Variants in BORCS5 observed in about 807,000 individuals in gnomAD.
BORCS5 encodes BLOC-1-related complex subunit 5.
Under a neutral mutation model 22.1 loss-of-function variants are expected in BORCS5, and 17 were observed. The observed-to-expected ratio is 0.77, with a 90% confidence interval of 0.53 to 1.15. The LOEUF is 1.15. Among genes scored for constraint, BORCS5 ranks in the 50% most tolerant of loss-of-function variants. BORCS5 has a pLI of 0.00. For missense variants in BORCS5, 247 were observed against 253.2 expected, an observed-to-expected ratio of 0.98 and a Z score of 0.17; for synonymous variants, 117 against 99.8, an observed-to-expected ratio of 1.17 and a Z score of -1.03.
chr12:12,401,854 C>T (rs1415106787), intron 2 of BORCS5, among the ~76,000 whole-genome samples: 3 of 151,500 alleles, frequency 2.0e-5, no homozygotes, highest in East Asian at 1.9e-4. Flanking sequence ...GTCAGAAGAT[C>T]GAGACCATCC....
In BORCS5 at chr12:12,401,252, T is replaced by C. The variant is rs145280014; in HGVS notation, c.203-34376T>C. On this transcript the variant is annotated intron_variant, in intron 2 of 3. Transcript: ENST00000314565. ...GTCAATTTACTCTTCAAAGTAGTTA[T>C]GCTCTTTTATCGCCTTACTAGCTAT... Among the ~76,000 whole-genome samples the C allele has an allele frequency of 2.9e-3, 448 of 152,352 alleles. 2 individuals carry two copies. The highest frequency in any genetic ancestry group is 3.3e-3 in the Non-Finnish European group (222 of 68,038).
At chr12:12,405,148 G>A (rs963837447) in intron 2 of BORCS5, among the ~76,000 whole-genome samples, 2 of 152,184 alleles carry the variant, frequency 1.3e-5, no homozygotes, top group African/African-American at 4.8e-5. Flanking sequence ...AACCTTCAAC[G>A]AAGTGAGTTC....
Position 12,470,397 on chromosome 12 carries a change from A to G in BORCS5, c.*4621A>G, listed in dbSNP as rs1449806891. Among the ~76,000 whole-genome samples, 3 of 152,078 alleles carry G rather than the reference A, an allele frequency of 2.0e-5. No homozygotes were observed. The highest frequency in any genetic ancestry group is 2.9e-5 in the Non-Finnish European group (2 of 68,012). On this transcript the variant is annotated 3_prime_UTR_variant, in exon 4 of 4. Coordinates refer to ENST00000314565, the MANE Select transcript of BORCS5 (RefSeq NM_058169.6). ...TCGTGTGTATTTATAGCTGCTCCCC[A>G]TCACTCACATCACTGCCTGAGCTCC... is the stretch of plus-strand genomic sequence containing the variant.
chr12:12,377,757 G>A (rs1004924161), intron 2 of BORCS5, among the ~76,000 whole-genome samples: 19 of 152,138 alleles, frequency 1.2e-4, no homozygotes, highest in African/African-American at 4.6e-4. Flanking sequence ...GCTAGCGGTA[G>A]TGATCAAAGG....
At chr12:12,383,302 A>G (rs983214650) in intron 2 of BORCS5, among the ~76,000 whole-genome samples, 15 of 151,198 alleles carry the variant, frequency 9.9e-5, no homozygotes, top group Admixed American at 2.6e-4. Flanking sequence ...TTTTTGTGCT[A>G]TTATTCTCAT....
At chr12:12,425,036 C>A (rs375169261) in intron 2 of BORCS5, among the ~76,000 whole-genome samples, 26 of 152,268 alleles carry the variant, frequency 1.7e-4, no homozygotes, top group African/African-American at 5.8e-4. Context: ...TCTGTCTGCA[C>A]CTTTGTGATC....
At chr12:12,366,023 A>T (rs1863399702) in intron 2 of BORCS5, among the ~76,000 whole-genome samples, 1 of 151,880 alleles carries the variant, frequency 6.6e-6, no homozygotes, top group South Asian at 2.1e-4. Context: ...CTGCCTGATA[A>T]TTAAAAGCCC....
At chr12:12,367,207 G>A (rs1050471742) in intron 2 of BORCS5, among the ~76,000 whole-genome samples, 2 of 152,326 alleles carry the variant, frequency 1.3e-5, no homozygotes, top group African/African-American at 4.8e-5. Context: ...GGGCGATAAG[G>A]AGAGCATGAT....
chr12:12,440,359 G>C (rs1412505512), intron 3 of BORCS5, among the ~76,000 whole-genome samples: 1 of 152,180 alleles, frequency 6.6e-6, no homozygotes, highest in Admixed American at 6.5e-5. Flanking sequence ...TGACCCCTCA[G>C]CCAGCACTGT....
At position 12,357,587 on chromosome 12, in the gene BORCS5, A is replaced by G. The variant is rs555518638; in HGVS notation, c.58+78A>G. 1.4e-5 allele frequency: 20 copies of G among 1,465,426 alleles called. No individual in the cohort carries two copies. The Admixed American group carries it at 1.4e-4, about 11-fold the overall frequency. 90.8% of individuals were successfully genotyped at this position (1,465,426 alleles called of 1,614,324 possible). A position where few individuals can be genotyped will look rare whatever the true frequency, so the allele number is the denominator to read the frequency against. ...GCGGGCTGCCTCCCAGACTAGGGTC[A>G]GGGACTGCGGACGGGAACGCACAGA... On this transcript the variant is annotated intron_variant, in intron 1 of 3. Coordinates refer to ENST00000314565, the MANE Select transcript of BORCS5 (RefSeq NM_058169.6).
intron 2 of BORCS5, among the ~76,000 whole-genome samples, chr12:12,405,564 CAATT>C (rs981462023): frequency 1.3e-5 from 2 of 152,130 alleles, no homozygotes; most frequent in Non-Finnish European, 1.5e-5. Context: ...GTCATCCTGA[CAATT>C]AAGACAAAAT....
At chr12:12,457,470 C>G (rs1441142622) in intron 3 of BORCS5, among the ~76,000 whole-genome samples, 2 of 152,168 alleles carry the variant, frequency 1.3e-5, no homozygotes, top group Admixed American at 6.5e-5. Context: ...GAGATCGAGA[C>G]CATCCTGGCT....
At chr12:12,376,578 A>G (rs534553011) in intron 2 of BORCS5, among the ~76,000 whole-genome samples, 1 of 152,310 alleles carries the variant, frequency 6.6e-6, no homozygotes, top group South Asian at 2.1e-4. Context: ...TAACTTAAAG[A>G]ATCAGTATCT....
At chr12:12,407,858 C>G (rs1379448651) in intron 2 of BORCS5, among the ~76,000 whole-genome samples, 7 of 151,952 alleles carry the variant, frequency 4.6e-5, no homozygotes, top group African/African-American at 1.7e-4. Flanking sequence ...CTCAGGTGCA[C>G]ACCACCACGC....
At position 12,357,296 on chromosome 12, in the gene BORCS5, T is replaced by C. The variant is rs1386991967; in HGVS notation, c.-156T>C. The C allele has an allele frequency of 6.9e-7, 1 of 1,456,052 alleles. No individual in the cohort carries two copies. The highest frequency in any genetic ancestry group is 1.4e-5 in the African/African-American group (1 of 70,270). The allele number at this position is 1,456,052 out of a possible 1,614,324, so 90.2% of individuals were successfully genotyped here. A position where few individuals can be genotyped will look rare whatever the true frequency, so the allele number is the denominator to read the frequency against. ...TTCTCCCGCCGCCCAGGCCCCTGCG[T>C]GGGCTGGACGCGTCAGCCCCACACA... On this transcript the variant is annotated 5_prime_UTR_variant, in exon 1 of 4. Coordinates refer to ENST00000314565, the MANE Select transcript of BORCS5 (RefSeq NM_058169.6).
Position 12,470,925 on chromosome 12 carries a change from TCAC to T in BORCS5, c.*5152_*5154del, listed in dbSNP as rs1043962136. On this transcript the variant is annotated 3_prime_UTR_variant, in exon 4 of 4. Transcript: ENST00000314565. ...GAATTTACCGTTGACTCAATTTTCT[TCAC>T]CAATCAAGGCTCATTCCTTGAGGCA... Among the ~76,000 whole-genome samples, 7 of 152,148 alleles carry T rather than the reference TCAC, an allele frequency of 4.6e-5. No homozygotes were observed. The highest frequency in any genetic ancestry group is 1.7e-4 in the African/African-American group (7 of 41,420).
rs1314201451 is a variant in BORCS5 at position 12,413,942 on chromosome 12, C to T, written c.203-21686C>T. ...GCTGGCCGGGCGGGGGGCTGACCCC[C>T]CCACCTCCCTCCCGGACGGGGCGGC... On this transcript the variant is annotated intron_variant, in intron 2 of 3. Coordinates refer to ENST00000314565, the MANE Select transcript of BORCS5 (RefSeq NM_058169.6). Among the ~76,000 whole-genome samples the T allele has an allele frequency of 7.1e-5, 4 of 56,066 alleles. 1 individual carries two copies. Among genetic ancestry groups the T allele is most frequent in the Admixed American group, 5.4e-4 (4 of 7,372 alleles). 36.8% of individuals were successfully genotyped at this position (56,066 alleles called of 152,430 possible). A position where few individuals can be genotyped will look rare whatever the true frequency, so the allele number is the denominator to read the frequency against.
intron 2 of BORCS5, among the ~76,000 whole-genome samples, chr12:12,414,866 C>G (rs914035820): frequency 6.7e-6 from 1 of 149,872 alleles, no homozygotes; most frequent in Admixed American, 6.6e-5. Context: ...CCTCACCTCC[C>G]AGACAGGGTT....
rs764422405 is a variant in BORCS5 at position 12,465,651 on chromosome 12, C to G, written c.466C>G (p.Leu156Val). The change falls in exon 4 of 4, where the codon CTC becomes GTC. Residue 156 changes from leucine (L) to valine (V), a missense_variant. Coordinates refer to ENST00000314565, the MANE Select transcript of BORCS5 (RefSeq NM_058169.6). ...GAAAGTGAACGAGATGTCCGCCATC[C>G]TCCGCCGCATACAGATGGGCATCGA... ...IQKVNEMSAI[L>V]RRIQMGIDQT... is the part of the protein sequence containing the mutation. The G allele has an allele frequency of 6.2e-7, 1 of 1,614,280 alleles. No individual in the cohort carries two copies. The highest frequency in any genetic ancestry group is 8.5e-7 in the Non-Finnish European group (1 of 1,180,050).
Sources: gnomAD v4.1 joint callset for allele counts (sites outside exome capture counted in the v4.1 genomes callset) on GRCh38, gnomAD v4.1.1 for gene constraint, MANE v1.5 for transcripts, NCBI Gene and HGNC (gene_info 2026-07-23, HGNC 2026-07-21) for gene names.